The following IL12RB1 variants were observed in gnomAD, a reference collection of about 807,000 sequenced individuals.
The protein encoded by IL12RB1 is interleukin 12 receptor subunit beta 1, also known as interleukin-12 receptor subunit beta-1.
IL12RB1 carries 64 observed loss-of-function variants against 94.4 expected under a neutral mutation model. That is an observed-to-expected ratio of 0.68 (90% CI 0.55 to 0.83). IL12RB1 has a LOEUF of 0.83. Ranked by LOEUF, IL12RB1 falls within the 40% of genes least tolerant of loss-of-function variation. The pLI, the probability that IL12RB1 is intolerant of heterozygous loss-of-function variation, is 0.00. For synonymous variants in IL12RB1, 362 were observed against 355.5 expected, an observed-to-expected ratio of 1.02 and a Z score of -0.21; for missense variants, 814 against 855.6, an observed-to-expected ratio of 0.95 and a Z score of 0.61.
At position 18,086,845 on chromosome 19, in the gene IL12RB1, A is replaced by C. The variant is rs2036380319; in HGVS notation, c.-22T>G. ...CCATCGGATCCACGTAGAGCCCCAC[A>C]GCCCCAGGGGAGCCTCTCTGCCACC... On this transcript the variant is annotated 5_prime_UTR_variant, in exon 1 of 17. Coordinates refer to ENST00000593993, the MANE Select transcript of IL12RB1 (RefSeq NM_005535.3). The C allele has an allele frequency of 6.2e-7, 1 of 1,603,704 alleles. No homozygotes were observed. Among genetic ancestry groups the C allele is most frequent in the Non-Finnish European group, 8.5e-7 (1 of 1,175,302 alleles).
upstream of IL12RB1, among the ~76,000 whole-genome samples, chr19:18,090,343 CA>C (rs1476583088): frequency 6.6e-6 from 1 of 151,966 alleles, no homozygotes; most frequent in Admixed American, 6.6e-5. Context: ...AGACCCTGCT[CA>C]AAAAATAACA....
chr19:18,068,351 G>GA, intron 11 of IL12RB1, 38 bp downstream of exon 11: 3 of 1,536,708 alleles, frequency 2.0e-6, no homozygotes, highest in Non-Finnish European at 2.6e-6. Flanking sequence ...TATTTAAAAA[G>GA]AAAAAATAAT....
At chr19:18,097,673 C>G in intron 1 of IL12RB1, 1 of 586,996 alleles carries the variant, frequency 1.7e-6, no homozygotes, top group Non-Finnish European at 2.4e-6. Flanking sequence ...GGTCGGGCTC[C>G]CCGGGAGGGG....
chr19:18,094,905 G>T (rs954898952), intron 1 of IL12RB1, among the ~76,000 whole-genome samples: 1 of 152,110 alleles, frequency 6.6e-6, no homozygotes, highest in Admixed American at 6.6e-5. Context: ...GGCAGGGGGC[G>T]GTAGCTCACA....
chr19:18,066,187 A>T (rs1394387952), intron 12 of IL12RB1, among the ~76,000 whole-genome samples: 3 of 151,898 alleles, frequency 2.0e-5, no homozygotes, highest in Non-Finnish European at 4.4e-5. Flanking sequence ...GGCTCACTGC[A>T]ATCTCCGCCT....
chr19:18,065,771 A>C (rs1426020793), intron 12 of IL12RB1, among the ~76,000 whole-genome samples: 2 of 152,084 alleles, frequency 1.3e-5, no homozygotes, highest in African/African-American at 4.8e-5. Flanking sequence ...GTGAGCTGAG[A>C]TGGCGCCACT....
At chr19:18,084,013 A>T (rs932711134) in intron 1 of IL12RB1, among the ~76,000 whole-genome samples, 1 of 140,674 alleles carries the variant, frequency 7.1e-6, no homozygotes, top group African/African-American at 2.9e-5. Flanking sequence ...CCATCTACCC[A>T]TCCATCCATC....
chr19:18,085,487 C>T (rs1433713134), intron 1 of IL12RB1, among the ~76,000 whole-genome samples: 5 of 152,100 alleles, frequency 3.3e-5, no homozygotes, highest in South Asian at 2.1e-4. Context: ...CCCCTGAAGG[C>T]GCTGGGACCT....
chr19:18,073,730 G>A, intron 7 of IL12RB1, 131 bp from the exon 8 acceptor site: 1 of 709,944 alleles, frequency 1.4e-6, no homozygotes, highest in Middle Eastern at 2.3e-4. Flanking sequence ...GCAGAAAAGA[G>A]AAAAAACTGA....
chr19:18,089,881 G>A (rs762021906), upstream of IL12RB1, among the ~76,000 whole-genome samples: 5 of 152,198 alleles, frequency 3.3e-5, no homozygotes, highest in Admixed American at 6.5e-5. Context: ...CAGGCTATGA[G>A]GTCAGTGAGT....
chr19:18,062,313 C>T, intron 13 of IL12RB1, 36 bp from the exon 14 acceptor site: 2 of 1,307,390 alleles, frequency 1.5e-6, no homozygotes, highest in South Asian at 1.2e-5. Flanking sequence ...AGAGGGCTAC[C>T]TCCTGCCTCT....
intron 9 of IL12RB1, chr19:18,070,468 C>A: frequency 1.1e-6 from 1 of 950,792 alleles, no homozygotes; most frequent in Non-Finnish European, 1.3e-6. Flanking sequence ...GAAGCACGAG[C>A]ACACACCCAC....
At chr19:18,078,445 A>G (rs8105810) in intron 4 of IL12RB1, among the ~76,000 whole-genome samples, 1 of 151,838 alleles carries the variant, frequency 6.6e-6, no homozygotes, top group Non-Finnish European at 1.5e-5. Flanking sequence ...AAAAATAAAT[A>G]ATTTTTAATA....
intron 5 of IL12RB1, among the ~76,000 whole-genome samples, chr19:18,076,966 G>C (rs1391936783): frequency 6.6e-6 from 1 of 152,190 alleles, no homozygotes; most frequent in Non-Finnish European, 1.5e-5. Context: ...ATTAACATTA[G>C]AGGAGTTTGG....
chr19:18,091,963 G>A (rs971291986), upstream of IL12RB1, among the ~76,000 whole-genome samples: 2 of 145,294 alleles, frequency 1.4e-5, no homozygotes, highest in African/African-American at 2.6e-5. Context: ...TATAACCTCC[G>A]CCTCCTGAGT....
intron 1 of IL12RB1, 84 bp from the exon 2 acceptor site, chr19:18,083,575 G>A (rs1233370979): frequency 7.3e-7 from 1 of 1,363,962 alleles, no homozygotes; most frequent in Non-Finnish European, 1.0e-6. Flanking sequence ...CTACACCCAA[G>A]TGATCATCAG....
chr19:18,084,545 C>T (rs2036191178), intron 1 of IL12RB1, among the ~76,000 whole-genome samples: 1 of 151,426 alleles, frequency 6.6e-6, no homozygotes, highest in Non-Finnish European at 1.5e-5. Flanking sequence ...ATCCATTCAC[C>T]CAACCATCCA....
At position 18,086,848 on chromosome 19, in the gene IL12RB1, C is replaced by G. The variant is rs1012623474; in HGVS notation, c.-25G>C. On this transcript the variant is annotated 5_prime_UTR_variant, in exon 1 of 17. Transcript: ENST00000593993. ...TCGGATCCACGTAGAGCCCCACAGCCCCAGGGGAGCCTCTCTGCCACCTGC... is the reference window on the plus strand; with the variant it reads ...TCGGATCCACGTAGAGCCCCACAGCGCCAGGGGAGCCTCTCTGCCACCTGC... 2.5e-6 allele frequency: 4 copies of G among 1,601,060 alleles called. No homozygotes were observed. In the East Asian group the frequency reaches 9.0e-5, roughly 36 times the overall value.
rs750798813 is a variant in IL12RB1, at chr19:18,082,246, C to T, written c.143G>A (p.Arg48Lys). The T allele has an allele frequency of 6.8e-6, 11 of 1,612,004 alleles. No homozygotes were observed. The highest frequency in any genetic ancestry group is 1.7e-4 in the Middle Eastern group (1 of 6,060). Residue 48 changes from arginine to lysine, a missense_variant, in exon 3 of 17, where the codon AGG (arginine) becomes AAG (lysine). Coordinates refer to ENST00000593993, the MANE Select transcript of IL12RB1 (RefSeq NM_005535.3). ...DADSGSASGP[R>K]DLRCYRISSD... ...GGATATCCGATAGCATCTCAGGTCC[C>T]TAGGGCCCGAGGCCGAGCCTGGAAG...
Sources: allele counts gnomAD v4.1 joint callset (sites outside exome capture counted in the v4.1 genomes callset), GRCh38; gene constraint gnomAD v4.1.1; transcripts MANE v1.5; gene names NCBI Gene and HGNC (gene_info 2026-07-23, HGNC 2026-07-21).